The following TRIM55 variants were observed in gnomAD, a reference collection of about 807,000 sequenced individuals.
TRIM55 encodes tripartite motif containing 55.
Under a neutral mutation model 60.9 loss-of-function variants are expected in TRIM55, and 50 were observed. That is an observed-to-expected ratio of 0.82 (90% CI 0.65 to 1.04). The LOEUF is 1.04. TRIM55 is among the 50% of genes least tolerant of loss of function. The pLI is 0.00. For synonymous variants in TRIM55, 237 were observed against 238.1 expected (o/e 1.00, Z 0.04); for missense variants, 681 against 666.9 (o/e 1.02, Z -0.23).
chr8:66,172,045 A>C (rs1563398164), intron 9 of TRIM55, among the ~76,000 whole-genome samples: 1 of 152,072 alleles, frequency 6.6e-6, no homozygotes, highest in Non-Finnish European at 1.5e-5. Flanking sequence ...TTCACTGTTG[A>C]AAGAAAGGAG....
chr8:66,128,235 T>C, intron 1 of TRIM55, 69 bp from the exon 2 acceptor site: 2 of 1,404,604 alleles, frequency 1.4e-6, no homozygotes, highest in South Asian at 2.8e-5. Flanking sequence ...TAGCAGAGAG[T>C]GAAAATAAGT....
At chr8:66,133,451 G>A (rs997153194) in intron 2 of TRIM55, among the ~76,000 whole-genome samples, 1 of 151,584 alleles carries the variant, frequency 6.6e-6, no homozygotes, top group South Asian at 2.1e-4. Context: ...TGATATTCTA[G>A]TGGAGGAAAC....
At chr8:66,113,923 C>T in the TRIM55 span, among the ~76,000 whole-genome samples, 1 of 149,760 alleles carries the variant, frequency 6.7e-6, no homozygotes, top group Non-Finnish European at 1.5e-5. Flanking sequence ...ATACTAAAAA[C>T]ACGAAGCCTA....
chr8:66,118,895 A>T, the TRIM55 span, among the ~76,000 whole-genome samples: 3 of 152,160 alleles, frequency 2.0e-5, no homozygotes, highest in Non-Finnish European at 4.4e-5. Context: ...GGATGGTTGG[A>T]TGGATGGATG....
At chr8:66,130,163 CA>C (rs1478581861) in intron 2 of TRIM55, among the ~76,000 whole-genome samples, 3 of 152,198 alleles carry the variant, frequency 2.0e-5, no homozygotes, top group African/African-American at 7.2e-5. Context: ...GGTAAAACTA[CA>C]AAACACATCT....
intron 9 of TRIM55, among the ~76,000 whole-genome samples, chr8:66,170,218 T>C (rs748596150): frequency 1.3e-4 from 20 of 152,194 alleles, no homozygotes; most frequent in Non-Finnish European, 2.8e-4. Flanking sequence ...AGAAGCACTG[T>C]ACACATTAAA....
intron 4 of TRIM55, among the ~76,000 whole-genome samples, chr8:66,146,689 C>T (rs575887550): frequency 6.6e-6 from 1 of 152,292 alleles, no homozygotes; most frequent in South Asian, 2.1e-4. Flanking sequence ...CAGTGGGCAC[C>T]TGGTTGCCTG....
rs987287207 is a variant in TRIM55 at position 66,137,138 on chromosome 8, A to G, written c.551A>G (p.Asp184Gly). The G allele has an allele frequency of 6.2e-7, 1 of 1,614,182 alleles. No individual in the cohort carries two copies. Among genetic ancestry groups the G allele is most frequent in the African/African-American group, 1.3e-5 (1 of 75,048 alleles). Residue 184 changes from aspartate (D) to glycine (G), a missense_variant, in exon 4 of 10, where the codon GAT becomes GGT. Physicochemically the swap from Asp to Gly is moderately conservative, Grantham distance 94. Transcript: ENST00000315962. Reference protein sequence around the residue: ...DGIAILVGSNDRVQGVISQLE... With the variant: ...DGIAILVGSNGRVQGVISQLE... ...ATCGCCATCCTCGTGGGCAGCAACG[A>G]TCGAGTCCAGGGAGTGATCAGCCAG...
rs748838839 is a variant in TRIM55 at position 66,152,487 on chromosome 8, T to C, written c.1096T>C (p.Phe366Leu). 2.5e-6 allele frequency: 4 copies of C among 1,612,730 alleles called. No homozygotes were observed. The South Asian group carries it at 3.3e-5, about 13-fold the overall frequency. Residue 366 changes from phenylalanine to leucine, a missense_variant, in exon 8 of 10, where the codon TTT becomes CTT. Transcript: ENST00000315962. Reference protein sequence around the residue: ...VEEVENVQTEFPGEDENPEKA... With the variant: ...VEEVENVQTELPGEDENPEKA... Reference sequence around the variant, plus strand: ...AGAGGTAGAAAATGTTCAAACAGAGTTTCCAGGAGAAGATGAAAACCCAGA... The same window carrying C: ...AGAGGTAGAAAATGTTCAAACAGAGCTTCCAGGAGAAGATGAAAACCCAGA...
intron 5 of TRIM55, 32 bp downstream of exon 5, chr8:66,149,910 C>A (rs1394945773): frequency 1.3e-6 from 2 of 1,530,010 alleles, no homozygotes; most frequent in East Asian, 2.3e-5. Flanking sequence ...AAGTAACAAC[C>A]CAAAAGGTGG....
chr8:66,158,878 A>T (rs765231105), intron 9 of TRIM55, among the ~76,000 whole-genome samples: 2 of 152,212 alleles, frequency 1.3e-5, no homozygotes, highest in African/African-American at 2.4e-5. Flanking sequence ...TTCAGATTCC[A>T]TGAACTCCAC....
At chr8:66,158,272 A>G (rs572074661) in intron 9 of TRIM55, among the ~76,000 whole-genome samples, 70 of 152,230 alleles carry the variant, frequency 4.6e-4, no homozygotes, top group Non-Finnish European at 1.0e-4. Flanking sequence ...CTCCCTCTAT[A>G]TAGAACCACA....
At chr8:66,156,332 C>A (rs954108028) in intron 9 of TRIM55, among the ~76,000 whole-genome samples, 2 of 152,074 alleles carry the variant, frequency 1.3e-5, no homozygotes, top group African/African-American at 4.8e-5. Context: ...CCACGTGAGA[C>A]CTGAATGAAT....
chr8:66,154,062 ACTGGCT>A lies in TRIM55; in HGVS notation c.1256_1261del (p.Gly419_Ser420del), dbSNP rs1370637968. ...CCTGATTAAGGGGGAGGTTGTACCC[ACTGGCT>A]CTGAGCAGACCACAGAGTCTGAAAC... On this transcript the variant is annotated inframe_deletion, in exon 9 of 10. Coordinates refer to ENST00000315962, the MANE Select transcript of TRIM55 (RefSeq NM_184085.2). The A allele has an allele frequency of 6.2e-7, 1 of 1,612,926 alleles. No homozygotes were observed. Among genetic ancestry groups the A allele is most frequent in the Non-Finnish European group, 8.5e-7 (1 of 1,179,662 alleles).
intron 8 of TRIM55, among the ~76,000 whole-genome samples, chr8:66,153,099 T>C (rs1810538898): frequency 1.3e-5 from 2 of 152,194 alleles, no homozygotes. Flanking sequence ...TTCAGAACTT[T>C]GAATTTTCTG....
At chr8:66,136,841 T>C (rs1324868512) in intron 3 of TRIM55, among the ~76,000 whole-genome samples, 3 of 152,310 alleles carry the variant, frequency 2.0e-5, no homozygotes, top group East Asian at 3.9e-4. Flanking sequence ...TAAACAATAC[T>C]TAGAATTCTT....
At position 66,140,575 on chromosome 8, in the gene TRIM55, C is replaced by G. The variant is rs768185899; in HGVS notation, c.603+3385C>G. Among the ~76,000 whole-genome samples the G allele has an allele frequency of 8.8e-4, 134 of 152,358 alleles. 1 individual carries two copies. The highest frequency in any genetic ancestry group is 6.8e-3 in the Middle Eastern group (2 of 294). ...ACAGGGGCACTTCCAGATGGCCACCCTGTGCATCTGTCATCGCTGGGGTGA... is the reference window on the plus strand; with the variant it reads ...ACAGGGGCACTTCCAGATGGCCACCGTGTGCATCTGTCATCGCTGGGGTGA... On this transcript the variant is annotated intron_variant, in intron 4 of 9. Transcript: ENST00000315962.
At position 66,150,361 on chromosome 8, in the gene TRIM55, G is replaced by T. The variant is rs201872037; in HGVS notation, c.880G>T (p.Ala294Ser). ...TTGCAGAATCTCGGAAGCATCAAAG[G>T]CATTTCAGATGGAGAAAATAGAACA... ...LLKKISEASK[A>S]FQMEKIEHGY... The change falls in exon 7 of 10, where the codon GCA becomes TCA. Residue 294 changes from alanine to serine, a missense_variant. Ala to Ser is a moderately conservative substitution (Grantham distance 99). Coordinates refer to ENST00000315962, the MANE Select transcript of TRIM55 (RefSeq NM_184085.2). 3.1e-5 allele frequency: 50 copies of T among 1,614,034 alleles called. No individual in the cohort carries two copies. Among genetic ancestry groups the T allele is most frequent in the Non-Finnish European group, 4.1e-5 (48 of 1,180,030 alleles).
At chr8:66,136,947 A>T (rs986933710) in intron 3 of TRIM55, 148 bp from the exon 4 acceptor site, 2 of 552,694 alleles carry the variant, frequency 3.6e-6, no homozygotes, top group African/African-American at 1.9e-5. Context: ...TGCTTGCAAT[A>T]TCAGAAGGTC....
Sources: allele counts gnomAD v4.1 joint callset (sites outside exome capture counted in the v4.1 genomes callset), GRCh38; gene constraint gnomAD v4.1.1; transcripts MANE v1.5; gene names NCBI Gene and HGNC (gene_info 2026-07-23, HGNC 2026-07-21).